Variants in POLG observed in about 807,000 individuals in gnomAD.
POLG encodes DNA polymerase gamma, catalytic subunit, also known as DNA polymerase subunit gamma-1.
A neutral mutation model predicts 155.4 loss-of-function variants in POLG; 110 were observed. The observed-to-expected ratio is 0.71, with a 90% CI of 0.61 to 0.83. The LOEUF (loss-of-function observed/expected upper bound fraction) is 0.83. Among genes scored for constraint, POLG ranks in the 40% least tolerant of loss-of-function variants. The pLI is 0.00. For synonymous variants in POLG, 701 were observed against 631.5 expected (o/e 1.11, Z -1.65); for missense variants, 1,685 against 1,627.5 (o/e 1.04, Z -0.61).
rs774707044 is a variant in POLG, at chr15:89,319,359, A to G, written c.2982-9T>C. On this transcript the variant is annotated splice_polypyrimidine_tract_variant and intron_variant, in intron 18 of 22. Transcript: ENST00000268124. The stretch of plus-strand genomic sequence containing the variant: ...CATCCGACAGCCGATACCTGGGGGC[A>G]GTGTTATCACCATCATTCCACGGGA... 1 of 1,613,542 alleles carries G rather than the reference A, an allele frequency of 6.2e-7. No individual in the cohort carries two copies. Among genetic ancestry groups the G allele is most frequent in the African/African-American group, 1.3e-5 (1 of 74,952 alleles).
rs1567189606 is a variant in POLG, at chr15:89,325,157, AGTG to A, written c.1949+290_1949+292del. 4.1e-5 allele frequency among the ~76,000 whole-genome samples: 4 copies of A among 97,720 alleles called. 1 individual carries two copies. The highest frequency in any genetic ancestry group is 6.4e-5 in the Non-Finnish European group (3 of 46,624). 64.1% of individuals were successfully genotyped at this position (97,720 alleles called of 152,430 possible). On this transcript the variant is annotated intron_variant, in intron 10 of 22. Coordinates refer to ENST00000268124, the MANE Select transcript of POLG (RefSeq NM_002693.3). ...GAGTGAGTGAGAGAGTGAGTGAGTG[AGTG>A]AGTGAGTGAGAGAGTGAGAGAGTGA... is the stretch of plus-strand genomic sequence containing the variant.
chr15:89,325,182 GT>G, intron 10 of POLG, among the ~76,000 whole-genome samples: 1 of 92,192 alleles, frequency 1.1e-5, no homozygotes, highest in Non-Finnish European at 2.3e-5. Context: ...GAGTGAGAGA[GT>G]GAGTGAGTGA....
Position 89,320,872 on chromosome 15 carries a change from G to A in POLG, c.2875C>T (p.Gln959Ter). 6.2e-7 allele frequency: 1 copy of A among 1,613,958 alleles called. No homozygotes were observed. Among genetic ancestry groups the A allele is most frequent in the Non-Finnish European group, 8.5e-7 (1 of 1,180,030 alleles). The change falls in exon 18 of 23, where the codon CAG (glutamine) becomes TAG (stop). Residue 959 changes from glutamine to a stop codon, truncating the protein, a stop_gained. Coordinates refer to ENST00000268124, the MANE Select transcript of POLG (RefSeq NM_002693.3). LOFTEE classifies it high-confidence loss of function. Reference sequence around the variant, plus strand: ...ATTAGTAAGCGCTCAGCAAAGGGCTGCCCAGCACCATAGATGCGGCCGTAG... The same window carrying A: ...ATTAGTAAGCGCTCAGCAAAGGGCTACCCAGCACCATAGATGCGGCCGTAG... ...FNYGRIYGAG[Q>*]PFAERLLMQF...
At chr15:89,317,076 C>T (rs974235750) in intron 22 of POLG, 3 of 590,426 alleles carry the variant, frequency 5.1e-6, no homozygotes, top group East Asian at 5.7e-5. Context: ...GTTTGTTTTT[C>T]TGTCACCTAT....
chr15:89,319,387 G>T, intron 18 of POLG, 37 bp from the exon 19 acceptor site: 1 of 1,611,108 alleles, frequency 6.2e-7, no homozygotes, highest in Non-Finnish European at 8.5e-7. Flanking sequence ...CCACGGGAGT[G>T]CTTCCTGTGC....
Position 89,318,743 on chromosome 15 carries a change from T to G in POLG, c.3280A>C (p.Thr1094Pro), listed in dbSNP as rs1596350119. ...EPSAVQEEFM[T>P]SRVNWVVQSS... ...TGTACCACCCAATTCACACGGCTGG[T>G]CATAAACTGGGAAGGGAAGGTGGGC... Residue 1094 changes from threonine to proline, a missense_variant, in exon 21 of 23, where the codon ACC (threonine) becomes CCC (proline). This residue lies in a region of POLG where 470 missense variants were observed against 439.9 expected (regional missense o/e 1.07). Coordinates refer to ENST00000268124, the MANE Select transcript of POLG (RefSeq NM_002693.3). 6.2e-7 allele frequency: 1 copy of G among 1,613,962 alleles called. No individual in the cohort carries two copies. Among genetic ancestry groups the G allele is most frequent in the African/African-American group, 1.3e-5 (1 of 75,032 alleles).
chr15:89,330,886 T>C (rs2055585408), intron 2 of POLG, among the ~76,000 whole-genome samples: 2 of 151,838 alleles, frequency 1.3e-5, no homozygotes, highest in Admixed American at 6.6e-5. Context: ...TGAGAAAATG[T>C]ATGTGTATGT....
At chr15:89,331,636 T>C (rs765993221) in intron 2 of POLG, among the ~76,000 whole-genome samples, 9 of 152,204 alleles carry the variant, frequency 5.9e-5, no homozygotes, top group Non-Finnish European at 1.2e-4. Context: ...AGCTGCCCTG[T>C]GGGAGGCTCA....
chr15:89,328,083 T>C (rs1452946639), intron 6 of POLG, among the ~76,000 whole-genome samples: 1 of 151,480 alleles, frequency 6.6e-6, no homozygotes, highest in African/African-American at 2.5e-5. Context: ...CTTTTTTCTT[T>C]CCATATCTTT....
Position 89,333,095 on chromosome 15 carries a change from C to G in POLG, c.659+1G>C. On this transcript the variant is annotated splice_donor_variant, in intron 2 of 22. Coordinates refer to ENST00000268124, the MANE Select transcript of POLG (RefSeq NM_002693.3). LOFTEE classifies it high-confidence loss of function. ...ATGTCCCCAACCCTGCCCCTACTTACCAGGCCGAGGGGGATATGGCCACCG... is the reference window on the plus strand; with the variant it reads ...ATGTCCCCAACCCTGCCCCTACTTAGCAGGCCGAGGGGGATATGGCCACCG... 1 of 1,512,130 alleles carries G rather than the reference C, an allele frequency of 6.6e-7. No homozygotes were observed. The highest frequency in any genetic ancestry group is 2.3e-5 in the Admixed American group (1 of 44,328). 93.7% of individuals were successfully genotyped at this position (1,512,130 alleles called of 1,614,324 possible). A position where few individuals can be genotyped will look rare whatever the true frequency, so the allele number is the denominator to read the frequency against.
rs1567187326 is a variant in POLG, at chr15:89,321,961, C to T, written c.2480+1G>A. 5 of 1,614,106 alleles carry T rather than the reference C, an allele frequency of 3.1e-6. No individual in the cohort carries two copies. The highest frequency in any genetic ancestry group is 4.2e-6 in the Non-Finnish European group (5 of 1,179,942). On this transcript the variant is annotated splice_donor_variant, in intron 15 of 22. Transcript: ENST00000268124. LOFTEE classifies it high-confidence loss of function. Reference sequence around the variant, plus strand: ...CCCTACAACCACTCAGCAGACCATACCTGATCACAGCACGGGGCAGAGCTG... The same window carrying T: ...CCCTACAACCACTCAGCAGACCATATCTGATCACAGCACGGGGCAGAGCTG...
rs1567189990 is a variant in POLG at position 89,325,257 on chromosome 15, AGTGAGTGAGTGAGTGAGAGAGAGAGAAAG to A, written c.1949+164_1949+192del. Among the ~76,000 whole-genome samples the A allele has an allele frequency of 2.6e-4, 24 of 92,168 alleles. 6 individuals carry two copies. The highest frequency in any genetic ancestry group is 1.5e-3 in the African/African-American group (24 of 15,958). 60.5% of individuals were successfully genotyped at this position (92,168 alleles called of 152,430 possible). A position where few individuals can be genotyped will look rare whatever the true frequency, so the allele number is the denominator to read the frequency against. Reference sequence around the variant, plus strand: ...GAGAGAGTGAGTGAGTGAGAGAGAGAGTGAGTGAGTGAGTGAGAGAGAGAGAAAGAGAGAGAGAGAGGGTGTGTGTGTGT... The same window carrying A: ...GAGAGAGTGAGTGAGTGAGAGAGAGAAGAGAGAGAGAGGGTGTGTGTGTGT... On this transcript the variant is annotated intron_variant, in intron 10 of 22. Coordinates refer to ENST00000268124, the MANE Select transcript of POLG (RefSeq NM_002693.3).
Position 89,321,315 on chromosome 15 carries a change from C to T in POLG, c.2599-55G>A, listed in dbSNP as rs954614275. 24 of 1,598,632 alleles carry T rather than the reference C, an allele frequency of 1.5e-5. No individual in the cohort carries two copies. The African/African-American group carries it at 3.1e-4, about 21-fold the overall frequency. ...ACTCTTCCTACCCCATTCCTGGAGC[C>T]AGAGTTGACTGAGAAAGAGCTAGAG... On this transcript the variant is annotated intron_variant, in intron 16 of 22. Transcript: ENST00000268124.
chr15:89,333,596 TTGC>T lies in POLG; in HGVS notation c.156_158del (p.Gln55del), dbSNP rs41550117. The T allele has an allele frequency of 0.011, 17,193 of 1,579,960 alleles. 92 individuals carry two copies. Among genetic ancestry groups the T allele is most frequent in the Non-Finnish European group, 0.011 (13,058 of 1,162,106 alleles). On this transcript the variant is annotated inframe_deletion, in exon 2 of 23. Coordinates refer to ENST00000268124, the MANE Select transcript of POLG (RefSeq NM_002693.3). ...GCACTTGCGGCTGCTGAGGCTGCTGTTGCTGCTGCTGCTGCTGCTGCTGCTGCT... is the reference window on the plus strand; with the variant it reads ...GCACTTGCGGCTGCTGAGGCTGCTGTTGCTGCTGCTGCTGCTGCTGCTGCT...
chr15:89,323,368 G>C (rs757303144), intron 13 of POLG, 36 bp downstream of exon 13: 1 of 1,374,924 alleles, frequency 7.3e-7, no homozygotes, highest in Non-Finnish European at 1.0e-6. Flanking sequence ...GCAGAATGAG[G>C]AAACACCACA....
In POLG at chr15:89,319,369, C is replaced by G. The variant is rs927637608; in HGVS notation, c.2982-19G>C. 8 of 1,613,092 alleles carry G rather than the reference C, an allele frequency of 5.0e-6. No homozygotes were observed. Among genetic ancestry groups the G allele is most frequent in the African/African-American group, 1.3e-5 (1 of 75,074 alleles). On this transcript the variant is annotated intron_variant, in intron 18 of 22. Transcript: ENST00000268124. ...CCGATACCTGGGGGCAGTGTTATCA[C>G]CATCATTCCACGGGAGTGCTTCCTG...
At position 89,328,684 on chromosome 15, in the gene POLG, C is replaced by T; in HGVS notation, c.1170+1G>A. On this transcript the variant is annotated splice_donor_variant, in intron 5 of 22. Transcript: ENST00000268124. LOFTEE classifies it high-confidence loss of function. Reference sequence around the variant, plus strand: ...CCCCAGAGCCCCCTCCAGCACCATACCTGGAAGTTCTCACGAATGTCCTTC... The same window carrying T: ...CCCCAGAGCCCCCTCCAGCACCATATCTGGAAGTTCTCACGAATGTCCTTC... 2 of 1,614,104 alleles carry T rather than the reference C, an allele frequency of 1.2e-6. No homozygotes were observed. Among genetic ancestry groups the T allele is most frequent in the South Asian group, 1.1e-5 (1 of 91,088 alleles).
At chr15:89,327,732 A>G (rs1458663582) in intron 6 of POLG, among the ~76,000 whole-genome samples, 1 of 152,186 alleles carries the variant, frequency 6.6e-6, no homozygotes, top group African/African-American at 2.4e-5. Context: ...CTGACATTTA[A>G]ACAACACATG....
In POLG at chr15:89,327,074, A is replaced by G; in HGVS notation, c.1434-11T>C. The stretch of plus-strand genomic sequence containing the variant: ...GGGTCTTCTTTGTACCTACAGAGCC[A>G]GTCCACTAGGGCAGGGCTAAGGCTA... On this transcript the variant is annotated splice_polypyrimidine_tract_variant and intron_variant, in intron 7 of 22. Transcript: ENST00000268124. 6.2e-7 allele frequency: 1 copy of G among 1,614,216 alleles called. No homozygotes were observed. Among genetic ancestry groups the G allele is most frequent in the East Asian group, 2.2e-5 (1 of 44,880 alleles).
Sources: gnomAD v4.1 joint callset for allele counts (sites outside exome capture counted in the v4.1 genomes callset) on GRCh38, gnomAD v4.1.1 for gene constraint, gnomAD v4.1.1 regional missense constraint, MANE v1.5 for transcripts, NCBI Gene and HGNC (gene_info 2026-07-23, HGNC 2026-07-21) for gene names.